CTNNA2: variants seen among roughly 807,000 people sequenced by gnomAD.
The protein encoded by CTNNA2 is catenin alpha-2.
A neutral mutation model predicts 101.0 loss-of-function variants in CTNNA2; 42 were observed. The observed-to-expected ratio is 0.42, with a 90% confidence interval of 0.32 to 0.54. CTNNA2 has a LOEUF of 0.54. Ranked by LOEUF, CTNNA2 falls within the 20% of genes least tolerant of loss-of-function variation. The pLI, the probability that CTNNA2 is intolerant of heterozygous loss-of-function variation, is 0.14. For missense variants in CTNNA2, 871 were observed against 1,223.1 expected (o/e 0.71, Z 4.29); for synonymous variants, 450 against 456.4 (o/e 0.99, Z 0.18).
intron 7 of CTNNA2, among the ~76,000 whole-genome samples, chr2:79,999,101 A>G (rs975394991): frequency 1.3e-5 from 2 of 151,736 alleles, no homozygotes; most frequent in Non-Finnish European, 2.9e-5. Context: ...AACATGAAGG[A>G]CATCTGAGCC....
chr2:79,319,561 T>TAAA (rs66938459), intron 3 of CTNNA2, among the ~76,000 whole-genome samples: 51 of 149,478 alleles, frequency 3.4e-4, no homozygotes, highest in Admixed American at 9.3e-4. Flanking sequence ...GTAATTTATT[T>TAAA]AAAAAAAAAA....
intron 7 of CTNNA2, among the ~76,000 whole-genome samples, chr2:79,946,149 C>A (rs1321504649): frequency 2.0e-5 from 3 of 151,774 alleles, no homozygotes; most frequent in Non-Finnish European, 4.4e-5. Context: ...CTCTCCCCTC[C>A]CAGGGGAGAG....
chr2:79,670,703 A>G (rs951873547), intron 2 of CTNNA2, among the ~76,000 whole-genome samples: 2 of 152,190 alleles, frequency 1.3e-5, no homozygotes, highest in Non-Finnish European at 2.9e-5. Flanking sequence ...AAAAACCAAT[A>G]TATCATCACA....
intron 7 of CTNNA2, among the ~76,000 whole-genome samples, chr2:80,013,028 T>C (rs1191610227): frequency 1.3e-5 from 2 of 152,090 alleles, no homozygotes; most frequent in Non-Finnish European, 2.9e-5. Context: ...TAGCCAGGAA[T>C]GGTGATGCAC....
rs561553935 is a variant in CTNNA2, at chr2:79,672,712, T to TC, written c.102+21054_102+21055insC. ...CGATGCAACATTTTCTTTTTTCTTT[T>TC]TTTTTTTTTTTTTGAGACGGAGTTT... On this transcript the variant is annotated intron_variant, in intron 2 of 18. Transcript: ENST00000402739. Among the ~76,000 whole-genome samples, 999 of 149,986 alleles carry TC rather than the reference T, an allele frequency of 6.7e-3. 10 individuals are homozygous for TC. The highest frequency in any genetic ancestry group is 0.021 in the African/African-American group (883 of 41,140).
chr2:79,235,547 C>G (rs1674545350), intron 2 of CTNNA2, among the ~76,000 whole-genome samples: 1 of 152,148 alleles, frequency 6.6e-6, no homozygotes, highest in Admixed American at 6.5e-5. Context: ...CTCCCCCAGG[C>G]AGAGGCCACG....
At chr2:80,393,175 A>G (rs201609332) in intron 7 of CTNNA2, 36 bp from the exon 8 acceptor site, 229 of 1,502,540 alleles carry the variant, frequency 1.5e-4, no homozygotes, top group Non-Finnish European at 2.0e-4. Context: ...AACATTGAAT[A>G]TGCTAAATCA....
At chr2:79,988,179 G>T (rs1336299208) in intron 7 of CTNNA2, among the ~76,000 whole-genome samples, 2 of 152,152 alleles carry the variant, frequency 1.3e-5, no homozygotes, top group African/African-American at 2.4e-5. Flanking sequence ...AAATCATGTA[G>T]GTTGCAATCC....
chr2:79,686,294 A>G (rs1356185624), intron 2 of CTNNA2, among the ~76,000 whole-genome samples: 2 of 152,058 alleles, frequency 1.3e-5, no homozygotes, highest in Admixed American at 6.6e-5. Context: ...GATGGATGCT[A>G]TTTATTATAC....
At chr2:80,535,177 A>C (rs1234799614) in intron 9 of CTNNA2, among the ~76,000 whole-genome samples, 1 of 152,020 alleles carries the variant, frequency 6.6e-6, no homozygotes, top group Non-Finnish European at 1.5e-5. Context: ...CTTTTGTAAA[A>C]CTCATCACAA....
intron 3 of CTNNA2, among the ~76,000 whole-genome samples, chr2:79,804,637 A>T (rs1676425423): frequency 6.6e-6 from 1 of 151,606 alleles, no homozygotes; most frequent in Non-Finnish European, 1.5e-5. Context: ...TCTAGGAAGG[A>T]TTGTAACCTA....
At chr2:80,390,413 C>T (rs938778367) in intron 7 of CTNNA2, among the ~76,000 whole-genome samples, 8 of 152,146 alleles carry the variant, frequency 5.3e-5, no homozygotes, top group Non-Finnish European at 1.2e-4. Flanking sequence ...CAATAGGACG[C>T]CTCACATCTA....
intron 4 of CTNNA2, among the ~76,000 whole-genome samples, chr2:79,469,292 A>G (rs1670972826): frequency 6.6e-6 from 1 of 152,220 alleles, no homozygotes; most frequent in Admixed American, 6.5e-5. Flanking sequence ...AAATGGATAC[A>G]TTCCTCGACA....
intron 1 of CTNNA2, among the ~76,000 whole-genome samples, chr2:79,612,569 G>A (rs910593306): frequency 1.3e-5 from 2 of 152,120 alleles, no homozygotes; most frequent in Non-Finnish European, 2.9e-5. Context: ...TTTGGCCTGA[G>A]TGAGGATTTT....
Position 79,557,505 on chromosome 2 carries a change from C to T in CTNNA2, c.-6+44298C>T, listed in dbSNP as rs1016361075. Among the ~76,000 whole-genome samples the T allele has an allele frequency of 2.6e-5, 4 of 151,892 alleles. 1 individual carries two copies. Among genetic ancestry groups the T allele is most frequent in the African/African-American group, 4.8e-5 (2 of 41,404 alleles). ...ATGACCTACACTTATAATTTGCCTACTTAGTTTTAAACTCAATGCTGTTCT... is the reference window on the plus strand; with the variant it reads ...ATGACCTACACTTATAATTTGCCTATTTAGTTTTAAACTCAATGCTGTTCT... On this transcript the variant is annotated intron_variant, in intron 1 of 18. Transcript: ENST00000402739.
chr2:79,633,520 G>T (rs1285949161), intron 1 of CTNNA2, among the ~76,000 whole-genome samples: 1 of 152,188 alleles, frequency 6.6e-6, no homozygotes, highest in Non-Finnish European at 1.5e-5. Context: ...CATACCTGTA[G>T]ATGACCAATA....
intron 7 of CTNNA2, among the ~76,000 whole-genome samples, chr2:80,025,006 C>A (rs548317050): frequency 3.3e-5 from 5 of 152,190 alleles, no homozygotes; most frequent in African/African-American, 9.6e-5. Context: ...GATAATCTTC[C>A]CCTCGAGTTC....
intron 6 of CTNNA2, among the ~76,000 whole-genome samples, chr2:79,882,353 C>A (rs1456742356): frequency 6.6e-6 from 1 of 152,186 alleles, no homozygotes; most frequent in African/African-American, 2.4e-5. Context: ...GGCCACCCCT[C>A]CCCCTAGGGG....
chr2:79,982,386 CATAT>C (rs997915727), intron 7 of CTNNA2, among the ~76,000 whole-genome samples: 5 of 130,966 alleles, frequency 3.8e-5, no homozygotes, highest in Non-Finnish European at 7.7e-5. Flanking sequence ...ACATATATAA[CATAT>C]ATAACATATA....
Sources: gnomAD v4.1 joint callset for allele counts (sites outside exome capture counted in the v4.1 genomes callset) on GRCh38, gnomAD v4.1.1 for gene constraint, MANE v1.5 for transcripts, NCBI Gene and HGNC (gene_info 2026-07-23, HGNC 2026-07-21) for gene names.